Variants in IL6R observed in about 807,000 individuals in gnomAD.
IL6R encodes interleukin-6 receptor subunit alpha.
In IL6R, 38 loss-of-function variants were observed where a neutral mutation model predicts 48.3. That is an observed-to-expected ratio of 0.79 (90% confidence interval 0.61 to 1.03). The LOEUF is 1.03. Among genes scored for constraint, IL6R ranks in the 50% least tolerant of loss-of-function variants. The pLI is 0.00. For synonymous variants in IL6R, 264 were observed against 256.2 expected (o/e 1.03, Z -0.29); for missense variants, 534 against 618.3 (o/e 0.86, Z 1.45).
intron 8 of IL6R, among the ~76,000 whole-genome samples, chr1:154,452,183 A>G (rs575530358): frequency 6.6e-6 from 1 of 152,086 alleles, no homozygotes; most frequent in Non-Finnish European, 1.5e-5. Context: ...TCCAACCAGC[A>G]CTTAGAGTAT....
At chr1:154,419,595 G>A (rs900319333) in intron 1 of IL6R, among the ~76,000 whole-genome samples, 4 of 152,148 alleles carry the variant, frequency 2.6e-5, no homozygotes, top group East Asian at 1.9e-4. Context: ...CCTGGGCAGC[G>A]GGGACCTGCG....
intron 1 of IL6R, among the ~76,000 whole-genome samples, chr1:154,411,154 G>A (rs368558041): frequency 1.3e-4 from 20 of 152,258 alleles, no homozygotes; most frequent in African/African-American, 4.8e-4. Flanking sequence ...TGCCTCCCGG[G>A]TTCAAGCGAT....
At chr1:154,425,595 T>C (rs1688916737) in intron 1 of IL6R, among the ~76,000 whole-genome samples, 1 of 150,870 alleles carries the variant, frequency 6.6e-6, no homozygotes, top group African/African-American at 2.5e-5. Context: ...GGCAATATAG[T>C]GAAACCTCAT....
intron 6 of IL6R, among the ~76,000 whole-genome samples, chr1:154,439,891 GTC>G (rs1027906031): frequency 1.3e-5 from 2 of 151,822 alleles, no homozygotes; most frequent in African/African-American, 4.8e-5. Flanking sequence ...GTCTCTTTCT[GTC>G]TCTCTCTTTT....
At chr1:154,432,366 T>TC (rs1689339650) in intron 3 of IL6R, among the ~76,000 whole-genome samples, 6 of 151,864 alleles carry the variant, frequency 4.0e-5, no homozygotes, top group Non-Finnish European at 8.8e-5. Flanking sequence ...ACTTTTTTTT[T>TC]TTTTTTTTTG....
chr1:154,448,217 G>A (rs1690383624), intron 7 of IL6R, 46 bp downstream of exon 7: 3 of 1,518,836 alleles, frequency 2.0e-6, no homozygotes, highest in Non-Finnish European at 2.7e-6. Flanking sequence ...AGCACCTCGT[G>A]TTTAGGAGTG....
intron 3 of IL6R, among the ~76,000 whole-genome samples, chr1:154,431,865 C>T (rs921902269): frequency 6.6e-6 from 1 of 152,104 alleles, no homozygotes; most frequent in African/African-American, 2.4e-5. Context: ...CTGGGCGGGA[C>T]GGTGTGAAAT....
intron 5 of IL6R, 54 bp from the exon 6 acceptor site, chr1:154,435,915 C>T: frequency 9.5e-6 from 14 of 1,481,252 alleles, no homozygotes; most frequent in Non-Finnish European, 1.2e-5. Flanking sequence ...GGGGTGCTAC[C>T]TGCCCAGCAC....
At chr1:154,446,106 C>T (rs988517838) in intron 6 of IL6R, among the ~76,000 whole-genome samples, 1 of 152,102 alleles carries the variant, frequency 6.6e-6, no homozygotes, top group Non-Finnish European at 1.5e-5. Flanking sequence ...CTAGTGCCTC[C>T]ATGCCCTCAG....
chr1:154,435,134 CAA>C lies in IL6R; in HGVS notation c.787_788del (p.Lys263AspfsTer61). 1 of 1,614,076 alleles carries C rather than the reference CAA, an allele frequency of 6.2e-7. No homozygotes were observed. On this transcript the variant is annotated frameshift_variant, in exon 5 of 10. Coordinates refer to ENST00000368485, the MANE Select transcript of IL6R (RefSeq NM_000565.4). LOFTEE classifies it high-confidence loss of function. ...GAGCTCAGATATCGGGCTGAACGGT[CAA>C]AGACATTCACAACATGGATGGTAAA... is the stretch of plus-strand genomic sequence containing the variant.
At position 154,449,952 on chromosome 1, in the gene IL6R, A is replaced by T; in HGVS notation, c.1038A>T (p.Arg346Ser). ...TNKDDDNILF[R>S]DSANATSLPV... ...AAGACGATGATAATATTCTCTTCAGAGATTCTGCAAATGCGACAAGCCTCC... is the reference window on the plus strand; with the variant it reads ...AAGACGATGATAATATTCTCTTCAGTGATTCTGCAAATGCGACAAGCCTCC... Residue 346 changes from arginine (R) to serine (S), a missense_variant, in exon 8 of 10, where the codon AGA (arginine) becomes AGT (serine). By Grantham distance (110) the Arg-to-Ser change is moderately radical. Transcript: ENST00000368485. 6.2e-7 allele frequency: 1 copy of T among 1,610,624 alleles called. No individual in the cohort carries two copies. The highest frequency in any genetic ancestry group is 8.5e-7 in the Non-Finnish European group (1 of 1,176,806).
In IL6R at chr1:154,434,671, A is replaced by G; in HGVS notation, c.611A>G (p.Lys204Arg). ...VASSVGSKFSKTQTFQGCGIL... is the reference protein window; with the variant it reads ...VASSVGSKFSRTQTFQGCGIL... ...AGTAGTGTCGGGAGCAAGTTCAGCA[A>G]AACTCAAACCTTTCAGGGTTGTGGA... Residue 204 changes from lysine (K) to arginine (R), a missense_variant, in exon 4 of 10, where the codon AAA (lysine) becomes AGA (arginine). Coordinates refer to ENST00000368485, the MANE Select transcript of IL6R (RefSeq NM_000565.4). The G allele has an allele frequency of 6.2e-7, 1 of 1,614,160 alleles. No homozygotes were observed. Among genetic ancestry groups the G allele is most frequent in the Non-Finnish European group, 8.5e-7 (1 of 1,180,022 alleles).
At chr1:154,462,586 G>T (rs1209312309) in intron 9 of IL6R, among the ~76,000 whole-genome samples, 2 of 151,894 alleles carry the variant, frequency 1.3e-5, no homozygotes, top group Admixed American at 6.6e-5. Flanking sequence ...TGTTGGTCAG[G>T]CTGGTCTCGA....
intron 1 of IL6R, among the ~76,000 whole-genome samples, chr1:154,410,108 A>T (rs1687940635): frequency 6.6e-6 from 1 of 152,134 alleles, no homozygotes; most frequent in African/African-American, 2.4e-5. Context: ...GCCCTGGAGA[A>T]GTATCTCTGG....
chr1:154,433,370 C>T (rs1689416862), intron 3 of IL6R, among the ~76,000 whole-genome samples: 1 of 152,200 alleles, frequency 6.6e-6, no homozygotes, highest in Admixed American at 6.5e-5. Context: ...GCTGACTCAC[C>T]TCGAATGTCT....
intron 1 of IL6R, among the ~76,000 whole-genome samples, chr1:154,410,517 C>T (rs1477662087): frequency 6.6e-6 from 1 of 152,258 alleles, no homozygotes; most frequent in Non-Finnish European, 1.5e-5. Flanking sequence ...TCCCAAAGTG[C>T]TGGGATTACA....
At chr1:154,434,943 A>T (rs7518199) in intron 4 of IL6R, 47 bp from the exon 5 acceptor site, 1 of 1,599,222 alleles carries the variant, frequency 6.3e-7, no homozygotes, top group Non-Finnish European at 8.5e-7. Flanking sequence ...GGGCTTCTCT[A>T]CACTATATTT....
intron 9 of IL6R, among the ~76,000 whole-genome samples, chr1:154,461,118 T>G (rs1410135146): frequency 6.6e-6 from 1 of 152,128 alleles, no homozygotes; most frequent in Non-Finnish European, 1.5e-5. Context: ...TATGTCAGGG[T>G]TTTCTTCTCT....
chr1:154,408,105 A>ATTAC (rs1401463916), intron 1 of IL6R, among the ~76,000 whole-genome samples: 1 of 152,098 alleles, frequency 6.6e-6, no homozygotes, highest in East Asian at 1.9e-4. Context: ...GGCTTTGGTA[A>ATTAC]ACATGATGAT....
Sources: allele counts gnomAD v4.1 joint callset (sites outside exome capture counted in the v4.1 genomes callset), GRCh38; gene constraint gnomAD v4.1.1; transcripts MANE v1.5; gene names NCBI Gene and HGNC (gene_info 2026-07-23, HGNC 2026-07-21).